Variants in GPR158 observed in about 807,000 individuals in gnomAD.
GPR158 encodes the protein G protein-coupled receptor 158, also known as metabotropic glycine receptor.
A neutral mutation model predicts 78.2 loss-of-function variants in GPR158; 30 were observed. That is an observed-to-expected ratio of 0.38 (90% CI 0.29 to 0.52). The LOEUF (loss-of-function observed/expected upper bound fraction) is 0.52, where lower values mean the gene tolerates loss of function less well. GPR158 is among the 20% of genes least tolerant of loss of function. The pLI is 0.83. For synonymous variants in GPR158, 581 were observed against 591.1 expected (o/e 0.98, Z 0.25); for missense variants, 1,463 against 1,523.5 (o/e 0.96, Z 0.66).
At chr10:25,374,129 T>G (rs1219199792) in intron 2 of GPR158, among the ~76,000 whole-genome samples, 2 of 151,750 alleles carry the variant, frequency 1.3e-5, no homozygotes. Context: ...ATTTAGAATT[T>G]TTGTTACTCA....
At chr10:25,271,725 G>A (rs1328188656) in intron 2 of GPR158, among the ~76,000 whole-genome samples, 4 of 152,152 alleles carry the variant, frequency 2.6e-5, no homozygotes, top group East Asian at 3.9e-4. Context: ...GCTATGGTGC[G>A]ATCTCGGCTC....
chr10:25,372,166 T>C (rs1834004456), intron 2 of GPR158, among the ~76,000 whole-genome samples: 1 of 151,852 alleles, frequency 6.6e-6, no homozygotes, highest in South Asian at 2.1e-4. Context: ...AGATACCATC[T>C]CATACTGGTT....
At chr10:25,570,007 C>G (rs1370942765) in intron 6 of GPR158, among the ~76,000 whole-genome samples, 2 of 152,108 alleles carry the variant, frequency 1.3e-5, no homozygotes, top group Non-Finnish European at 2.9e-5. Context: ...TTTTTCTGCC[C>G]TTGCCAAACT....
intron 4 of GPR158, among the ~76,000 whole-genome samples, chr10:25,449,275 A>AT (rs1306977257): frequency 6.6e-6 from 1 of 152,016 alleles, no homozygotes; most frequent in Non-Finnish European, 1.5e-5. Context: ...GATAGCTCTT[A>AT]TTTTTTTCTT....
chr10:25,184,415 GGATTACAGGCCTGA>G (rs1852654153), intron 1 of GPR158, among the ~76,000 whole-genome samples: 1 of 152,042 alleles, frequency 6.6e-6, no homozygotes, highest in Non-Finnish European at 1.5e-5. Flanking sequence ...CAAAGTGCTG[GGATTACAGGCCTGA>G]GCCAGCACAC....
At chr10:25,305,224 C>A (rs1367657126) in intron 2 of GPR158, among the ~76,000 whole-genome samples, 1 of 152,178 alleles carries the variant, frequency 6.6e-6, no homozygotes, top group Non-Finnish European at 1.5e-5. Context: ...AAATCTGTTC[C>A]AGTTTGGCGG....
Position 25,521,938 on chromosome 10 carries a change from G to T in GPR158, c.1405-29038G>T, listed in dbSNP as rs74124055. 2.1e-3 allele frequency among the ~76,000 whole-genome samples: 322 copies of T among 152,310 alleles called. 3 individuals carry two copies. Among genetic ancestry groups the T allele is most frequent in the African/African-American group, 7.4e-3 (309 of 41,550 alleles). The stretch of plus-strand genomic sequence containing the variant: ...GATAATTTTTCAGAGTTGAGGCACT[G>T]TGGGTGAAAGGAGATAAGGGCCCAG... On this transcript the variant is annotated intron_variant, in intron 5 of 10. Coordinates refer to ENST00000376351, the MANE Select transcript of GPR158 (RefSeq NM_020752.3).
chr10:25,378,144 T>C (rs1199452323), intron 2 of GPR158, among the ~76,000 whole-genome samples: 1 of 152,142 alleles, frequency 6.6e-6, no homozygotes, highest in East Asian at 1.9e-4. Flanking sequence ...TGCAGAATAG[T>C]GCACAAACTT....
intron 9 of GPR158, 71 bp downstream of exon 9, chr10:25,594,468 G>C (rs911277237): frequency 3.3e-6 from 2 of 605,580 alleles, no homozygotes; most frequent in African/African-American, 3.9e-5. Context: ...TTATCCTATA[G>C]GCAAAAGGAG....
At chr10:25,348,443 A>C (rs1281628197) in intron 2 of GPR158, among the ~76,000 whole-genome samples, 2 of 150,688 alleles carry the variant, frequency 1.3e-5, no homozygotes, top group Non-Finnish European at 3.0e-5. Flanking sequence ...ACACGGAAAA[A>C]CCCACAAATT....
intron 5 of GPR158, among the ~76,000 whole-genome samples, chr10:25,487,044 T>C (rs1016789949): frequency 3.3e-5 from 5 of 152,100 alleles, no homozygotes; most frequent in African/African-American, 1.2e-4. Context: ...ACCCTTTCTT[T>C]TATCCCCCTT....
intron 2 of GPR158, among the ~76,000 whole-genome samples, chr10:25,392,143 G>A (rs1426905908): frequency 6.6e-6 from 1 of 152,180 alleles, no homozygotes; most frequent in African/African-American, 2.4e-5. Context: ...CCAGTCTTGG[G>A]TATGTTCTTA....
At chr10:25,557,582 A>G (rs1836801990) in intron 6 of GPR158, among the ~76,000 whole-genome samples, 1 of 152,224 alleles carries the variant, frequency 6.6e-6, no homozygotes, top group East Asian at 1.9e-4. Flanking sequence ...CGGCATGCAG[A>G]GGCCCCCAGC....
intron 5 of GPR158, among the ~76,000 whole-genome samples, chr10:25,529,312 G>C (rs1224543168): frequency 6.6e-6 from 1 of 152,016 alleles, no homozygotes; most frequent in Non-Finnish European, 1.5e-5. Context: ...ACTTGAACTC[G>C]GGAGGCGGAG....
intron 2 of GPR158, among the ~76,000 whole-genome samples, chr10:25,229,921 C>T (rs1853426021): frequency 6.6e-6 from 1 of 151,994 alleles, no homozygotes; most frequent in African/African-American, 2.4e-5. Context: ...TCCCATAGGC[C>T]CTGGATTTGT....
chr10:25,552,801 A>G (rs1012097970), intron 6 of GPR158, among the ~76,000 whole-genome samples: 1 of 152,098 alleles, frequency 6.6e-6, no homozygotes, highest in Non-Finnish European at 1.5e-5. Context: ...AACACCTAAC[A>G]CTGTGGTCTG....
At chr10:25,229,340 A>G (rs1243729868) in intron 2 of GPR158, among the ~76,000 whole-genome samples, 1 of 152,180 alleles carries the variant, frequency 6.6e-6, no homozygotes, top group Non-Finnish European at 1.5e-5. Context: ...TGAAGGTTAC[A>G]GTAGGAAGTG....
At chr10:25,496,617 T>C (rs999762904) in intron 5 of GPR158, among the ~76,000 whole-genome samples, 4 of 152,190 alleles carry the variant, frequency 2.6e-5, no homozygotes, top group Non-Finnish European at 4.4e-5. Context: ...GAAGGAACTT[T>C]AACTGCTGAA....
chr10:25,266,753 A>G (rs559313394), intron 2 of GPR158, among the ~76,000 whole-genome samples: 9 of 152,156 alleles, frequency 5.9e-5, no homozygotes, highest in Non-Finnish European at 1.0e-4. Context: ...AATATTCTAT[A>G]AAATGCTGTG....
Sources: gnomAD v4.1 joint callset for allele counts (sites outside exome capture counted in the v4.1 genomes callset) on GRCh38, gnomAD v4.1.1 for gene constraint, MANE v1.5 for transcripts, NCBI Gene and HGNC (gene_info 2026-07-23, HGNC 2026-07-21) for gene names.